Variants in CPOX observed in about 807,000 individuals in gnomAD.
CPOX encodes coproporphyrinogen oxidase.
A neutral mutation model predicts 48.9 loss-of-function variants in CPOX; 24 were observed. The ratio of observed to expected loss-of-function variants is 0.49; its 90% CI spans 0.36 to 0.69. The LOEUF (loss-of-function observed/expected upper bound fraction) is 0.69. CPOX is among the 30% of genes least tolerant of loss of function. The pLI, the probability that CPOX is intolerant of heterozygous loss-of-function variation, is 0.00. For missense variants in CPOX, 549 were observed against 597.3 expected (o/e 0.92, Z 0.84); for synonymous variants, 249 against 234.6 (o/e 1.06, Z -0.56).
rs764845801 is a variant in CPOX, at chr3:98,593,126, A to G, written c.379T>C (p.Cys127Arg). 5 of 1,613,398 alleles carry G rather than the reference A, an allele frequency of 3.1e-6. No homozygotes were observed. The highest frequency in any genetic ancestry group is 4.2e-6 in the Non-Finnish European group (5 of 1,179,896). ...ACAGGCGGGGCCATGAAGCTGCTGC[A>G]GCGGTGGGCCAGCTCATCCTCCTCC... ...EEEEDELAHRCSSFMAPPVTD... is the reference protein window; with the variant it reads ...EEEEDELAHRRSSFMAPPVTD... The change falls in exon 1 of 7, where the codon TGC (cysteine) becomes CGC (arginine). Residue 127 changes from cysteine to arginine, a missense_variant. Cys to Arg is a radical substitution (Grantham distance 180). Transcript: ENST00000647941.
At chr3:98,575,790 G>A (rs980350129), downstream of CPOX, among the ~76,000 whole-genome samples, 2 of 150,292 alleles carry the variant, frequency 1.3e-5, no homozygotes, top group Admixed American at 6.6e-5. Context: ...AAAATTAGCC[G>A]GGTGTGCTGG....
rs1707221708 is a variant in CPOX at position 98,579,986 on chromosome 3, TAACA to T, written c.*693_*696del. 6.1e-6 allele frequency: 6 copies of T among 985,364 alleles called. No individual in the cohort carries two copies. The highest frequency in any genetic ancestry group is 7.2e-6 in the Non-Finnish European group (6 of 829,492). 61.0% of individuals were successfully genotyped at this position (985,364 alleles called of 1,614,324 possible). On this transcript the variant is annotated 3_prime_UTR_variant, in exon 7 of 7. Coordinates refer to ENST00000647941, the MANE Select transcript of CPOX (RefSeq NM_000097.7). ...TCAAAAGTGCAGAGAATCCCAACATTAACAAACAATGGTTCCACAAAAATCAAAA... is the reference window on the plus strand; with the variant it reads ...TCAAAAGTGCAGAGAATCCCAACATTAACAATGGTTCCACAAAAATCAAAA...
In CPOX at chr3:98,592,938, G is replaced by A; in HGVS notation, c.556+11C>T. 1 of 1,609,092 alleles carries A rather than the reference G, an allele frequency of 6.2e-7. No homozygotes were observed. Among genetic ancestry groups the A allele is most frequent in the Non-Finnish European group, 8.5e-7 (1 of 1,177,948 alleles). ...CTGTCTCCAACTCCCGCCAGGGGCC[G>A]GCCTCCTTACCTTCCTTCCTCTCCC... On this transcript the variant is annotated intron_variant, in intron 1 of 6. Coordinates refer to ENST00000647941, the MANE Select transcript of CPOX (RefSeq NM_000097.7).
At chr3:98,586,151 C>T (rs1161655885) in intron 4 of CPOX, among the ~76,000 whole-genome samples, 2 of 152,128 alleles carry the variant, frequency 1.3e-5, no homozygotes, top group African/African-American at 4.8e-5. Context: ...GGATTACAGG[C>T]GTGAGCCACC....
At chr3:98,576,162 C>T (rs578180158), downstream of CPOX, among the ~76,000 whole-genome samples, 19 of 151,462 alleles carry the variant, frequency 1.3e-4, no homozygotes, top group Admixed American at 5.9e-4. Context: ...AAGAACTGCC[C>T]GAGACTGAAT....
Position 98,579,507 on chromosome 3 carries a change from TAC to T in CPOX, c.*1174_*1175del. 1 of 975,934 alleles carries T rather than the reference TAC, an allele frequency of 1.0e-6. No individual in the cohort carries two copies. The highest frequency in any genetic ancestry group is 1.2e-6 in the Non-Finnish European group (1 of 821,306). 60.5% of individuals were successfully genotyped at this position (975,934 alleles called of 1,614,324 possible). ...TCTTGTAAGACAGTTGAAGAATTCATACATTTTCCAGCCCCAAAAAGGCCACA... is the reference window on the plus strand; with the variant it reads ...TCTTGTAAGACAGTTGAAGAATTCATATTTTCCAGCCCCAAAAAGGCCACA... On this transcript the variant is annotated 3_prime_UTR_variant, in exon 7 of 7. Transcript: ENST00000647941.
the CPOX span, among the ~76,000 whole-genome samples, chr3:98,573,265 C>T: frequency 6.6e-6 from 1 of 152,200 alleles, no homozygotes; most frequent in African/African-American, 2.4e-5. Flanking sequence ...TTGCCAACTT[C>T]AGAATCTCCC....
chr3:98,578,312 G>A (rs1050600365), downstream of CPOX: 17 of 712,760 alleles, frequency 2.4e-5, no homozygotes, highest in Admixed American at 1.3e-4. Flanking sequence ...TCATTTACCC[G>A]CCACAGCTTT....
rs1419499423 is a variant in CPOX at position 98,593,313 on chromosome 3, G to A, written c.192C>T (p.His64=). The change falls in exon 1 of 7, where the codon CAC becomes CAT. Residue 64 remains histidine, a synonymous_variant. Coordinates refer to ENST00000647941, the MANE Select transcript of CPOX (RefSeq NM_000097.7). ...AGGGGCCGCCTCTCGACGTCGAGCCGTGCCCCAGCCCGCGGCTCTGCTCCG... is the reference window on the plus strand; with the variant it reads ...AGGGGCCGCCTCTCGACGTCGAGCCATGCCCCAGCCCGCGGCTCTGCTCCG... The part of the protein sequence containing the change: ...AGTEQSRGLG[H]GSTSRGGPWV... 7.0e-7 allele frequency: 1 copy of A among 1,436,518 alleles called. No homozygotes were observed. Among genetic ancestry groups the A allele is most frequent in the Admixed American group, 2.9e-5 (1 of 34,428 alleles). The allele number at this position is 1,436,518 out of a possible 1,614,324, so 89.0% of individuals were successfully genotyped here. A position where few individuals can be genotyped will look rare whatever the true frequency, so the allele number is the denominator to read the frequency against.
In CPOX at chr3:98,591,894, T is replaced by C. The variant is rs1049727280; in HGVS notation, c.557-739A>G. Among the ~76,000 whole-genome samples, 6 of 151,992 alleles carry C rather than the reference T, an allele frequency of 3.9e-5. No individual in the cohort carries two copies. In the East Asian group the frequency reaches 9.6e-4, roughly 24 times the overall value. ...TATCCAAGATCAAACTGCTGACAAG[T>C]GGCTGCAACAATTTGTCTAAATGCT... On this transcript the variant is annotated intron_variant, in intron 1 of 6. Coordinates refer to ENST00000647941, the MANE Select transcript of CPOX (RefSeq NM_000097.7).
At chr3:98,578,691 A>G (rs1707196437), downstream of CPOX, among the ~76,000 whole-genome samples, 1 of 152,232 alleles carries the variant, frequency 6.6e-6, no homozygotes, top group Non-Finnish European at 1.5e-5. Flanking sequence ...GTAGTCATAT[A>G]GTAAGTACTT....
chr3:98,576,958 G>T (rs1000831303), downstream of CPOX, among the ~76,000 whole-genome samples: 21 of 152,106 alleles, frequency 1.4e-4, no homozygotes, highest in Admixed American at 1.3e-3. Flanking sequence ...GATGTGGATT[G>T]AATGACTGTA....
chr3:98,576,436 A>G (rs1241011862), downstream of CPOX, among the ~76,000 whole-genome samples: 1 of 152,158 alleles, frequency 6.6e-6, no homozygotes, highest in East Asian at 1.9e-4. Context: ...CTCCCTTGAC[A>G]CCTGGGGATT....
At chr3:98,579,377 G>A (rs1318700047), downstream of CPOX, 1 of 501,550 alleles carries the variant, frequency 2.0e-6, no homozygotes, top group Non-Finnish European at 2.6e-6. Context: ...TGTTGTTCAA[G>A]GATCAACTGT....
chr3:98,571,551 A>G, the CPOX span, among the ~76,000 whole-genome samples: 34 of 150,228 alleles, frequency 2.3e-4, no homozygotes, highest in South Asian at 4.4e-3. Flanking sequence ...AGCCGGGCGT[A>G]GTGGCGGGCG....
In CPOX at chr3:98,593,180, G is replaced by A. The variant is rs764824138; in HGVS notation, c.325C>T (p.Arg109Trp). The A allele has an allele frequency of 7.5e-6, 12 of 1,608,492 alleles. No individual in the cohort carries two copies. In the South Asian group the frequency reaches 9.9e-5, roughly 13 times the overall value. ...TCCGGCCTCCCCAGCGAAGTGGCCC[G>A]CGTCCCCGAGGTCTTAGGCAACATC... ...AEMLPKTSGT[R>W]ATSLGRPEEE... Residue 109 changes from arginine (R) to tryptophan (W), a missense_variant, in exon 1 of 7, where the codon CGG becomes TGG. By Grantham distance (101) the Arg-to-Trp change is moderately radical. Around this residue, in one of 2 missense-constraint regions of CPOX, gnomAD observed 336 missense variants for 318.1 expected, o/e 1.06. Coordinates refer to ENST00000647941, the MANE Select transcript of CPOX (RefSeq NM_000097.7).
chr3:98,581,376 G>A lies in CPOX; in HGVS notation c.1277+31C>T, dbSNP rs556133181. ...GGGTGTTTGGGAATTGGGAGTGTAG[G>A]GATAACTACTAAAATGAGTTATCTC... On this transcript the variant is annotated intron_variant, in intron 6 of 6. Coordinates refer to ENST00000647941, the MANE Select transcript of CPOX (RefSeq NM_000097.7). The A allele has an allele frequency of 9.0e-6, 13 of 1,445,802 alleles. No homozygotes were observed. In the African/African-American group the frequency reaches 1.3e-4, roughly 14 times the overall value. The allele number at this position is 1,445,802 out of a possible 1,614,324, so 89.6% of individuals were successfully genotyped here.
At chr3:98,583,156 C>A (rs1707293091) in intron 5 of CPOX, among the ~76,000 whole-genome samples, 1 of 152,144 alleles carries the variant, frequency 6.6e-6, no homozygotes, top group African/African-American at 2.4e-5. Context: ...TCTGTTGGAT[C>A]CTTTCCTTTA....
the CPOX span, among the ~76,000 whole-genome samples, chr3:98,572,270 C>G: frequency 1.3e-5 from 2 of 152,048 alleles, no homozygotes; most frequent in African/African-American, 4.8e-5. Context: ...ATTTTAAGTA[C>G]TCTTCTTTTT....
Sources: gnomAD v4.1 joint callset for allele counts (sites outside exome capture counted in the v4.1 genomes callset) on GRCh38, gnomAD v4.1.1 for gene constraint, gnomAD v4.1.1 regional missense constraint, MANE v1.5 for transcripts, NCBI Gene and HGNC (gene_info 2026-07-23, HGNC 2026-07-21) for gene names.